The following NFIB variants were observed in gnomAD, a reference collection of about 807,000 sequenced individuals.
The protein encoded by NFIB is nuclear factor 1 B-type.
A neutral mutation model predicts 61.5 loss-of-function variants in NFIB; 11 were observed. That is an observed-to-expected ratio of 0.18 (90% CI 0.11 to 0.30). The LOEUF is 0.30. NFIB is among the 10% of genes least tolerant of loss of function. The pLI, the probability that NFIB is intolerant of heterozygous loss-of-function variation, is 1.00. For synonymous variants in NFIB, 260 were observed against 216.5 expected (o/e 1.20, Z -1.76); for missense variants, 471 against 608.9 (o/e 0.77, Z 2.38).
rs368225543 is a variant in NFIB at position 14,125,759 on chromosome 9, A to G, written c.933T>C (p.Ser311=). ...CAGGCTTCTTCATAGTAGTCGGAGA[A>G]GACATATCTGCGAGAAACAGAGAAA... ...RTWHERDQDM[S]SPTTMKKPEK... is the part of the protein sequence containing the mutation. Residue 311 remains serine, a synonymous_variant, in exon 7 of 11, where the codon TCT becomes TCC. Transcript: ENST00000380953. 52 of 1,613,862 alleles carry G rather than the reference A, an allele frequency of 3.2e-5. No individual in the cohort carries two copies. The highest frequency in any genetic ancestry group is 4.3e-5 in the Non-Finnish European group (51 of 1,179,948).
intron 2 of NFIB, among the ~76,000 whole-genome samples, chr9:14,183,728 C>A (rs2047053475): frequency 6.6e-6 from 1 of 151,994 alleles, no homozygotes; most frequent in Non-Finnish European, 1.5e-5. Context: ...GATTTTGATG[C>A]AGTAGAGAAA....
the NFIB span, among the ~76,000 whole-genome samples, chr9:14,492,320 G>A: frequency 7.9e-5 from 12 of 151,704 alleles, no homozygotes; most frequent in African/African-American, 2.2e-4. Context: ...CCGAGATCAC[G>A]CCACTGCACT....
chr9:14,123,118 G>A (rs548655128), intron 7 of NFIB, among the ~76,000 whole-genome samples: 11 of 151,690 alleles, frequency 7.3e-5, no homozygotes, highest in Non-Finnish European at 1.0e-4. Context: ...TTAGCTGAGC[G>A]GGGTGGTGAG....
Position 14,162,609 on chromosome 9 carries a change from G to C in NFIB, c.617-6716C>G, listed in dbSNP as rs568448294. On this transcript the variant is annotated intron_variant, in intron 3 of 10. Coordinates refer to ENST00000380953, the MANE Select transcript of NFIB (RefSeq NM_001190737.2). ...GCTTCATAAAATGGTTTTGATCATTGTCCCAATATGTTTTATGCTCTGGAA... is the reference window on the plus strand; with the variant it reads ...GCTTCATAAAATGGTTTTGATCATTCTCCCAATATGTTTTATGCTCTGGAA... Among the ~76,000 whole-genome samples, 258 of 151,982 alleles carry C rather than the reference G, an allele frequency of 1.7e-3. 2 individuals carry two copies. Among genetic ancestry groups the C allele is most frequent in the Middle Eastern group, 3.4e-3 (1 of 294 alleles).
the NFIB span, among the ~76,000 whole-genome samples, chr9:14,435,851 C>T: frequency 6.6e-5 from 10 of 152,150 alleles, no homozygotes; most frequent in South Asian, 6.2e-4. Flanking sequence ...TGGACTCTTC[C>T]GAATGACCAC....
intron 1 of NFIB, among the ~76,000 whole-genome samples, chr9:14,310,267 A>G (rs1304802607): frequency 6.6e-6 from 1 of 152,188 alleles, no homozygotes; most frequent in Non-Finnish European, 1.5e-5. Flanking sequence ...TTTTTTTGAG[A>G]AATAAAAGTA....
intron 6 of NFIB, among the ~76,000 whole-genome samples, chr9:14,132,619 C>A (rs1204377008): frequency 1.4e-4 from 21 of 151,946 alleles, no homozygotes; most frequent in Admixed American, 1.3e-3. Flanking sequence ...GTTGCCCAGG[C>A]TGCAGTGGCA....
At chr9:14,092,647 G>T (rs991687226) in intron 10 of NFIB, among the ~76,000 whole-genome samples, 1 of 152,022 alleles carries the variant, frequency 6.6e-6, no homozygotes, top group Admixed American at 6.6e-5. Context: ...ATACAAGCTG[G>T]ATTATAACCT....
At chr9:14,127,891 G>C (rs900798722) in intron 6 of NFIB, among the ~76,000 whole-genome samples, 1 of 123,882 alleles carries the variant, frequency 8.1e-6, no homozygotes, top group African/African-American at 3.1e-5. Flanking sequence ...GAATCTATCA[G>C]AACTTTGATG....
At chr9:14,427,819 A>C in the NFIB span, among the ~76,000 whole-genome samples, 1 of 152,048 alleles carries the variant, frequency 6.6e-6, no homozygotes, top group Non-Finnish European at 1.5e-5. Context: ...AATTTGAAAT[A>C]GACAAAGAAA....
At chr9:14,380,567 G>A (rs632689) in intron 1 of NFIB, among the ~76,000 whole-genome samples, 235 of 152,262 alleles carry the variant, frequency 1.5e-3, no homozygotes, top group African/African-American at 5.3e-3. Context: ...GAAATGATTA[G>A]AGCAAGCTCT....
chr9:14,301,595 C>G (rs78646511), intron 2 of NFIB, among the ~76,000 whole-genome samples: 3,536 of 152,152 alleles, frequency 0.023, 139 homozygotes, highest in African/African-American at 0.079. Context: ...TCTCTCCCCC[C>G]ACCCTTCCCT....
At chr9:14,156,008 C>A in intron 3 of NFIB, 115 bp from the exon 4 acceptor site, 1 of 528,452 alleles carries the variant, frequency 1.9e-6, no homozygotes, top group Non-Finnish European at 3.2e-6. Context: ...ACCAAATATG[C>A]TTACAATAAG....
chr9:14,194,815 G>A (rs2048307518), intron 2 of NFIB, among the ~76,000 whole-genome samples: 1 of 152,074 alleles, frequency 6.6e-6, no homozygotes, highest in African/African-American at 2.4e-5. Flanking sequence ...GTATTTGAAG[G>A]TCTGTTTGGA....
At chr9:14,163,740 C>T in intron 3 of NFIB, among the ~76,000 whole-genome samples, 1 of 151,824 alleles carries the variant, frequency 6.6e-6, no homozygotes, top group East Asian at 1.9e-4. Context: ...TCATATCATT[C>T]AAATACAAAT....
At chr9:14,219,894 A>G (rs1195978846) in intron 2 of NFIB, among the ~76,000 whole-genome samples, 1 of 152,188 alleles carries the variant, frequency 6.6e-6, no homozygotes, top group Non-Finnish European at 1.5e-5. Context: ...TTACATCAGA[A>G]TCTACACTGG....
At chr9:14,498,588 T>A in the NFIB span, among the ~76,000 whole-genome samples, 1 of 152,036 alleles carries the variant, frequency 6.6e-6, no homozygotes, top group Non-Finnish European at 1.5e-5. Flanking sequence ...AGGATGCAGA[T>A]CATTGGTGTA....
chr9:14,172,091 A>G (rs1194214848), intron 3 of NFIB, among the ~76,000 whole-genome samples: 1 of 152,222 alleles, frequency 6.6e-6, no homozygotes, highest in Non-Finnish European at 1.5e-5. Flanking sequence ...GGAAGCAAGA[A>G]CAGGACAGAA....
chr9:14,427,741 A>G, the NFIB span, among the ~76,000 whole-genome samples: 1 of 152,090 alleles, frequency 6.6e-6, no homozygotes, highest in Non-Finnish European at 1.5e-5. Context: ...GAAGGCTAAT[A>G]GAAGAGTGAC....
Sources: gnomAD v4.1 joint callset for allele counts (sites outside exome capture counted in the v4.1 genomes callset) on GRCh38, gnomAD v4.1.1 for gene constraint, MANE v1.5 for transcripts, NCBI Gene and HGNC (gene_info 2026-07-23, HGNC 2026-07-21) for gene names.